TTYH2: variants seen among roughly 807,000 people sequenced by gnomAD.
TTYH2 encodes tweety family member 2, also known as protein tweety homolog 2.
In TTYH2, 49 loss-of-function variants were observed where a neutral mutation model predicts 68.3. The observed-to-expected ratio is 0.72, with a 90% CI of 0.57 to 0.91. The LOEUF is 0.91. TTYH2 is among the 40% of genes least tolerant of loss of function. TTYH2 has a pLI of 0.00. For missense variants in TTYH2, 631 were observed against 700.4 expected (o/e 0.90, Z 1.12); for synonymous variants, 272 against 300.8 (o/e 0.90, Z 0.99).
chr17:74,259,334 C>G (rs917172962), intron 13 of TTYH2, among the ~76,000 whole-genome samples: 2 of 152,130 alleles, frequency 1.3e-5, no homozygotes, highest in Non-Finnish European at 2.9e-5. Flanking sequence ...CTGCCTCAGC[C>G]TCCCAAGTGG....
chr17:74,237,671 G>C (rs1205162952), intron 4 of TTYH2, among the ~76,000 whole-genome samples, 157 bp downstream of exon 4: 1 of 152,242 alleles, frequency 6.6e-6, no homozygotes, highest in Admixed American at 6.5e-5. Flanking sequence ...CTGTTGCCCA[G>C]GCTGGAGTGA....
rs759938895 is a variant in TTYH2, at chr17:74,237,509, C to T, written c.630C>T (p.Tyr210=). Residue 210 remains tyrosine (Y), a synonymous_variant, in exon 4 of 14, where the codon TAC becomes TAT. Coordinates refer to ENST00000269346, the MANE Select transcript of TTYH2 (RefSeq NM_032646.6). ...CCGACCAGACTGGCTACGTGGAGTA[C>T]TACAGGTGAAGGACCGGTGGGAGGC... ...KLSDQTGYVE[Y]YRWLSYLLLF... The T allele has an allele frequency of 2.5e-6, 4 of 1,605,028 alleles. No homozygotes were observed. The South Asian group carries it at 4.4e-5, about 18-fold the overall frequency.
chr17:74,222,609 A>G lies in TTYH2; in HGVS notation c.254A>G (p.His85Arg). 2 of 1,611,402 alleles carry G rather than the reference A, an allele frequency of 1.2e-6. No individual in the cohort carries two copies. The highest frequency in any genetic ancestry group is 1.3e-5 in the African/African-American group (1 of 74,888). Residue 85 changes from histidine (H) to arginine (R), a missense_variant, in exon 2 of 14, where the codon CAC becomes CGC. Transcript: ENST00000269346. The surrounding 1 kb of genome is among the most constrained non-coding windows in gnomAD (Gnocchi z 5.2). The stretch of plus-strand genomic sequence containing the variant: ...GATGCGGTGCAGACCAAGCAGCACC[A>G]CTCCTGCTGCATCACCTGGACGGCC... ...RDDAVQTKQH[H>R]SCCITWTAVV...
rs769759935 is a variant in TTYH2, at chr17:74,253,101, T to C, written c.1280T>C (p.Ile427Thr). 6.2e-7 allele frequency: 1 copy of C among 1,613,488 alleles called. No individual in the cohort carries two copies. Among genetic ancestry groups the C allele is most frequent in the Admixed American group, 1.7e-5 (1 of 59,892 alleles). ...FTTRNRDYDD[I>T]DDDDPFNPQA... is the part of the protein sequence containing the mutation. ...TCTAGAAACAGAGACTACGATGACA[T>C]TGATGATGATGACCCCTTTAACCCC... The change falls in exon 12 of 14, where the codon ATT (isoleucine) becomes ACT (threonine). Residue 427 changes from isoleucine to threonine, a missense_variant. Coordinates refer to ENST00000269346, the MANE Select transcript of TTYH2 (RefSeq NM_032646.6).
In TTYH2 at chr17:74,222,102, T is replaced by C. The variant is rs1456753918; in HGVS notation, c.130-383T>C. Among the ~76,000 whole-genome samples, 1 of 152,092 alleles carries C rather than the reference T, an allele frequency of 6.6e-6. No homozygotes were observed. Among genetic ancestry groups the C allele is most frequent in the Non-Finnish European group, 1.5e-5 (1 of 68,008 alleles). ...TGCCTTTTTCCCTTGGCCATGGAGC[T>C]CACCACCCACAGCCCTCCCTGCTAG... On this transcript the variant is annotated intron_variant, in intron 1 of 13. Coordinates refer to ENST00000269346, the MANE Select transcript of TTYH2 (RefSeq NM_032646.6). This position sits in a 1 kb window ranked among gnomAD's most constrained non-coding sequence, Gnocchi z 5.2.
chr17:74,224,478 A>G (rs1270235137), intron 2 of TTYH2, among the ~76,000 whole-genome samples: 1 of 152,236 alleles, frequency 6.6e-6, no homozygotes, highest in Non-Finnish European at 1.5e-5. Flanking sequence ...TGGAACAGTA[A>G]GAATGGCATG....
chr17:74,252,443 CCT>C, intron 11 of TTYH2, 67 bp downstream of exon 11: 1 of 1,560,170 alleles, frequency 6.4e-7, no homozygotes, highest in South Asian at 1.2e-5. Context: ...CAGACAGGGG[CCT>C]CTGCTCTACG....
In TTYH2 at chr17:74,222,804, C is replaced by A. The variant is rs1206684905; in HGVS notation, c.302+147C>A. ...ATGTTGTCCCTTTTTTTTTTTTTAC[C>A]AAGCATCAGGAATCAGATGCCTGGG... On this transcript the variant is annotated intron_variant, in intron 2 of 13. Transcript: ENST00000269346. This position sits in a 1 kb window ranked among gnomAD's most constrained non-coding sequence, Gnocchi z 5.2. 5.8e-6 allele frequency: 6 copies of A among 1,025,652 alleles called. No individual in the cohort carries two copies. The highest frequency in any genetic ancestry group is 5.4e-6 in the Non-Finnish European group (4 of 740,358). 63.5% of individuals were successfully genotyped at this position (1,025,652 alleles called of 1,614,324 possible).
chr17:74,253,023 GCTGCCTCGGAGCCTCCTTCACCCTTCA>G, intron 11 of TTYH2, 31 bp from the exon 12 acceptor site: 1 of 1,579,668 alleles, frequency 6.3e-7, no homozygotes. Context: ...ACAGGACCTG[GCTGCCTCGGAGCCTCCTTCACCCTTCA>G]CAGCCGGCCA....
chr17:74,246,042 C>T (rs910040363), intron 6 of TTYH2, among the ~76,000 whole-genome samples: 3 of 152,216 alleles, frequency 2.0e-5, no homozygotes, highest in East Asian at 3.9e-4. Context: ...GTCAGCACTG[C>T]GAGTCAGGAG....
rs201639966 is a variant in TTYH2, at chr17:74,252,356, C to T, written c.1239C>T (p.Ala413=). ...FSTMICAGPR[A]WKHFTTRNRD... ...CCATGATCTGTGCAGGGCCAAGGGC[C>T]TGGAAGCACTTCACCACCAGGTGGG... Residue 413 remains alanine, a synonymous_variant, in exon 11 of 14, where the codon GCC becomes GCT. Coordinates refer to ENST00000269346, the MANE Select transcript of TTYH2 (RefSeq NM_032646.6). 900 of 1,613,746 alleles carry T rather than the reference C, an allele frequency of 5.6e-4. 1 individual carries two copies. The highest frequency in any genetic ancestry group is 6.9e-4 in the Non-Finnish European group (814 of 1,179,974).
chr17:74,233,963 G>A (rs1462075683), intron 3 of TTYH2, among the ~76,000 whole-genome samples: 2 of 152,180 alleles, frequency 1.3e-5, no homozygotes, highest in Non-Finnish European at 2.9e-5. Flanking sequence ...ATGTTTCAGA[G>A]CAGAAACCAG....
In TTYH2 at chr17:74,227,983, CT is replaced by C. The variant is rs35080135; in HGVS notation, c.303-2887del. On this transcript the variant is annotated intron_variant, in intron 2 of 13. Coordinates refer to ENST00000269346, the MANE Select transcript of TTYH2 (RefSeq NM_032646.6). ...GAAGGAGGTTTCTTTTCTTTTCTTT[CT>C]TTTTTTTTTTTTTTTTTGAGATAGA... Among the ~76,000 whole-genome samples the C allele has an allele frequency of 2.8e-3, 318 of 112,508 alleles. 2 individuals carry two copies. The highest frequency in any genetic ancestry group is 6.2e-3 in the African/African-American group (134 of 21,550). 73.8% of individuals were successfully genotyped at this position (112,508 alleles called of 152,430 possible).
chr17:74,226,914 C>T (rs2050336015), intron 2 of TTYH2, among the ~76,000 whole-genome samples: 2 of 152,124 alleles, frequency 1.3e-5, no homozygotes, highest in African/African-American at 2.4e-5. Context: ...AGGAGAACCT[C>T]ATTAAACAGC....
intron 4 of TTYH2, chr17:74,240,729 G>T (rs1432660751): frequency 6.6e-6 from 1 of 152,216 alleles, no homozygotes; most frequent in Non-Finnish European, 1.5e-5. Context: ...AGAGGCTACG[G>T]TTGAGGGAAG....
At position 74,243,864 on chromosome 17, in the gene TTYH2, G is replaced by A. The variant is rs1258201156; in HGVS notation, c.732-113G>A. 6 of 986,932 alleles carry A rather than the reference G, an allele frequency of 6.1e-6. No homozygotes were observed. In the African/African-American group the frequency reaches 9.4e-5, roughly 16 times the overall value. The allele number at this position is 986,932 out of a possible 1,614,324, so 61.1% of individuals were successfully genotyped here. A position where few individuals can be genotyped will look rare whatever the true frequency, so the allele number is the denominator to read the frequency against. ...GTGAGCAGGGCCCACGTCAGGGCAG[G>A]GACTGAGGCTGCCTTTGGATCCATT... is the stretch of plus-strand genomic sequence containing the variant. On this transcript the variant is annotated intron_variant, in intron 5 of 13. Coordinates refer to ENST00000269346, the MANE Select transcript of TTYH2 (RefSeq NM_032646.6).
chr17:74,230,113 A>G (rs1385852031), intron 2 of TTYH2, among the ~76,000 whole-genome samples: 1 of 152,182 alleles, frequency 6.6e-6, no homozygotes, highest in Non-Finnish European at 1.5e-5. Flanking sequence ...CCTGGGCAAC[A>G]GAGCGAAACT....
At position 74,239,398 on chromosome 17, in the gene TTYH2, C is replaced by T. The variant is rs577278141; in HGVS notation, c.635+1884C>T. Among the ~76,000 whole-genome samples, 166 of 152,302 alleles carry T rather than the reference C, an allele frequency of 1.1e-3. No individual in the cohort carries two copies. Among genetic ancestry groups the T allele is most frequent in the African/African-American group, 3.7e-3 (155 of 41,574 alleles). ...AGTGTCAGTTCTTTGGATCCCTCCC[C>T]GCACCCTCCATTTGTTGGCTCCTCT... On this transcript the variant is annotated intron_variant, in intron 4 of 13. Coordinates refer to ENST00000269346, the MANE Select transcript of TTYH2 (RefSeq NM_032646.6). This position sits in a 1 kb window ranked among gnomAD's most constrained non-coding sequence, Gnocchi z 5.3.
At chr17:74,233,325 A>C (rs943778835) in intron 3 of TTYH2, among the ~76,000 whole-genome samples, 1 of 152,206 alleles carries the variant, frequency 6.6e-6, no homozygotes, top group Non-Finnish European at 1.5e-5. Flanking sequence ...GAGGCAGCAG[A>C]TCTTAGAAGA....
Sources: allele counts gnomAD v4.1 joint callset (sites outside exome capture counted in the v4.1 genomes callset), GRCh38; gene constraint gnomAD v4.1.1; non-coding constraint Gnocchi (gnomAD v3.1); transcripts MANE v1.5; gene names NCBI Gene and HGNC (gene_info 2026-07-23, HGNC 2026-07-21).